The following DOCK3 variants were observed in gnomAD, a reference collection of about 807,000 sequenced individuals.
DOCK3 encodes dedicator of cytokinesis protein 3.
DOCK3 carries 60 observed loss-of-function variants against 265.6 expected under a neutral mutation model. The observed-to-expected ratio is 0.23, with a 90% CI of 0.18 to 0.28. The LOEUF (loss-of-function observed/expected upper bound fraction) is 0.28. Ranked by LOEUF, DOCK3 falls within the 10% of genes least tolerant of loss-of-function variation. The probability of loss-of-function intolerance (pLI) is 1.00; values close to 1 mark genes in which losing one functional copy is unlikely to be tolerated. For synonymous variants in DOCK3, 881 were observed against 938.0 expected, an observed-to-expected ratio of 0.94 and a Z score of 1.11; for missense variants, 1,981 against 2,594.3, an observed-to-expected ratio of 0.76 and a Z score of 5.14.
chr3:51,220,620 G>A (rs1212966108), intron 14 of DOCK3, among the ~76,000 whole-genome samples: 1 of 143,938 alleles, frequency 6.9e-6, no homozygotes, highest in Non-Finnish European at 1.5e-5. Context: ...TTGTGCCGCT[G>A]TACTCCAGCC....
chr3:51,214,181 C>A lies in DOCK3; in HGVS notation c.1186C>A (p.Pro396Thr), dbSNP rs2089656856. The A allele has an allele frequency of 6.2e-7, 1 of 1,613,762 alleles. No homozygotes were observed. The highest frequency in any genetic ancestry group is 8.5e-7 in the Non-Finnish European group (1 of 1,179,838). The change falls in exon 14 of 53, where the codon CCC (proline) becomes ACC (threonine). Residue 396 changes from proline (P) to threonine (T), a missense_variant. Physicochemically the swap from Pro to Thr is conservative, Grantham distance 38. Transcript: ENST00000266037. ...GDMEQIRREN[P>T]MIFNRGLAIT... The stretch of plus-strand genomic sequence containing the variant: ...CATGGAACAGATTCGGAGAGAAAAT[C>A]CCATGATATTTAATAGGGGATTGGC...
At position 51,356,430 on chromosome 3, in the gene DOCK3, A is replaced by C. The variant is rs1415847825; in HGVS notation, c.4440A>C (p.Thr1480=). 4 of 1,611,966 alleles carry C rather than the reference A, an allele frequency of 2.5e-6. No homozygotes were observed. In the East Asian group the frequency reaches 8.9e-5, roughly 36 times the overall value. The change falls in exon 43 of 53, where the codon ACA becomes ACC. Residue 1480 remains threonine, a synonymous_variant. Coordinates refer to ENST00000266037, the MANE Select transcript of DOCK3 (RefSeq NM_004947.5). ...EFKSLWIERT[T]LTLTHSLPGI... is the part of the protein sequence containing the mutation. ...AGAGCCTGTGGATTGAACGTACCAC[A>C]CTGACCCTGACCCACAGCTTGCCTG...
At chr3:50,854,558 G>T in intron 3 of DOCK3, among the ~76,000 whole-genome samples, 1 of 125,270 alleles carries the variant, frequency 8.0e-6, no homozygotes, top group Non-Finnish European at 1.6e-5. Context: ...AGCTTTCAGA[G>T]TTGCTTGAGC....
intron 1 of DOCK3, among the ~76,000 whole-genome samples, chr3:50,702,465 G>A (rs1339027314): frequency 6.6e-6 from 1 of 152,074 alleles, no homozygotes; most frequent in Non-Finnish European, 1.5e-5. Flanking sequence ...CTGAGTTCAA[G>A]CGATTCTCCT....
At chr3:50,971,050 G>T (rs1469904980) in intron 5 of DOCK3, among the ~76,000 whole-genome samples, 4 of 133,710 alleles carry the variant, frequency 3.0e-5, no homozygotes, top group South Asian at 2.4e-4. Flanking sequence ...TGCTGGTCTT[G>T]AACTCCTGGC....
At chr3:50,948,972 G>A (rs2108298676) in intron 5 of DOCK3, among the ~76,000 whole-genome samples, 1 of 152,280 alleles carries the variant, frequency 6.6e-6, no homozygotes, top group African/African-American at 2.4e-5. Context: ...TTAGGTAAAG[G>A]TGAGATGGCA....
intron 1 of DOCK3, among the ~76,000 whole-genome samples, chr3:50,712,094 A>G (rs2036810783): frequency 6.6e-6 from 1 of 152,158 alleles, no homozygotes; most frequent in African/African-American, 2.4e-5. Flanking sequence ...GGCCTGTCAC[A>G]TTTATGGATC....
At chr3:51,357,623 C>A in intron 44 of DOCK3, 135 bp from the exon 45 acceptor site, 1 of 780,982 alleles carries the variant, frequency 1.3e-6, no homozygotes, top group South Asian at 1.7e-5. Flanking sequence ...TTCAAACAGG[C>A]CAGACTGGTG....
chr3:50,713,750 A>G (rs2036923721), intron 1 of DOCK3, among the ~76,000 whole-genome samples: 2 of 151,948 alleles, frequency 1.3e-5, no homozygotes, highest in Admixed American at 6.6e-5. Flanking sequence ...GACGTCAACT[A>G]CATGTCTAGA....
intron 32 of DOCK3, 60 bp downstream of exon 32, chr3:51,315,188 G>A: frequency 1.3e-6 from 2 of 1,482,876 alleles, no homozygotes; most frequent in Non-Finnish European, 1.8e-6. Context: ...GCTTAGGCAG[G>A]TGGCCTAGAT....
intron 27 of DOCK3, among the ~76,000 whole-genome samples, chr3:51,284,293 T>G (rs1032863903): frequency 6.6e-6 from 1 of 152,026 alleles, no homozygotes; most frequent in African/African-American, 2.4e-5. Flanking sequence ...TTCCAGGGTC[T>G]TCATCTGCCA....
chr3:51,137,974 T>C (rs1295270625), intron 9 of DOCK3, among the ~76,000 whole-genome samples: 4 of 152,222 alleles, frequency 2.6e-5, no homozygotes, highest in Non-Finnish European at 5.9e-5. Flanking sequence ...AGAATACGAG[T>C]ACTTGCTCTT....
intron 9 of DOCK3, among the ~76,000 whole-genome samples, chr3:51,135,015 G>A (rs1482716815): frequency 1.3e-5 from 2 of 152,148 alleles, no homozygotes; most frequent in Non-Finnish European, 2.9e-5. Context: ...CACTCACTCA[G>A]TGGCTGCTGT....
intron 19 of DOCK3, among the ~76,000 whole-genome samples, chr3:51,232,299 A>G (rs2078156318): frequency 6.6e-6 from 1 of 152,112 alleles, no homozygotes; most frequent in Non-Finnish European, 1.5e-5. Flanking sequence ...GGTTGGTTCC[A>G]TATCCTTGCA....
chr3:51,204,531 G>T (rs1434403017), intron 12 of DOCK3, among the ~76,000 whole-genome samples: 1 of 147,336 alleles, frequency 6.8e-6, no homozygotes, highest in Non-Finnish European at 1.5e-5. Context: ...TGCTGGAGAG[G>T]ATGTGGAGAA....
Position 51,089,374 on chromosome 3 carries a change from C to T in DOCK3, c.591+90C>T. Reference sequence around the variant, plus strand: ...TATGAATACACCAGGAAATGACAGACACCACTGACTTCTTGACTGTGTGGT... The same window carrying T: ...TATGAATACACCAGGAAATGACAGATACCACTGACTTCTTGACTGTGTGGT... On this transcript the variant is annotated intron_variant, in intron 8 of 52. Transcript: ENST00000266037. The T allele has an allele frequency of 2.8e-6, 4 of 1,452,454 alleles. No homozygotes were observed. The South Asian group carries it at 5.0e-5, about 18-fold the overall frequency. 90.0% of individuals were successfully genotyped at this position (1,452,454 alleles called of 1,614,324 possible).
chr3:50,979,526 G>C (rs2077613608), intron 5 of DOCK3, among the ~76,000 whole-genome samples: 1 of 152,038 alleles, frequency 6.6e-6, no homozygotes, highest in Non-Finnish European at 1.5e-5. Flanking sequence ...CTGCTCTCTT[G>C]CGCCATCTCT....
At chr3:51,051,983 C>A (rs539716975) in intron 5 of DOCK3, among the ~76,000 whole-genome samples, 1 of 152,230 alleles carries the variant, frequency 6.6e-6, no homozygotes, top group South Asian at 2.1e-4. Flanking sequence ...CCAAACACCT[C>A]ACACTAGTCC....
At chr3:51,110,933 A>G (rs1302787800) in intron 9 of DOCK3, among the ~76,000 whole-genome samples, 3 of 152,220 alleles carry the variant, frequency 2.0e-5, no homozygotes, top group African/African-American at 4.8e-5. Flanking sequence ...AGAAAACCCC[A>G]TAATCTCGGC....
Sources: allele counts gnomAD v4.1 joint callset (sites outside exome capture counted in the v4.1 genomes callset), GRCh38; gene constraint gnomAD v4.1.1; transcripts MANE v1.5; gene names NCBI Gene and HGNC (gene_info 2026-07-23, HGNC 2026-07-21).